NALF1: variants seen among roughly 807,000 people sequenced by gnomAD.
NALF1 encodes family with sequence similarity 155 member A.
Under a neutral mutation model 48.4 loss-of-function variants are expected in NALF1, and 3 were observed. The observed-to-expected ratio is 0.06, with a 90% confidence interval of 0.03 to 0.16. NALF1 has a LOEUF of 0.16. Among genes scored for constraint, NALF1 ranks in the 10% least tolerant of loss-of-function variants. The pLI, the probability that NALF1 is intolerant of heterozygous loss-of-function variation, is 1.00. For missense variants in NALF1, 526 were observed against 571.5 expected (o/e 0.92, Z 0.81); for synonymous variants, 262 against 245.7 (o/e 1.07, Z -0.62).
At chr13:107,709,528 T>G (rs796318662) in intron 1 of NALF1, among the ~76,000 whole-genome samples, 39 of 152,342 alleles carry the variant, frequency 2.6e-4, no homozygotes, top group African/African-American at 8.7e-4. Context: ...ACAAGGAAAC[T>G]AGTTCTGGAA....
intron 1 of NALF1, among the ~76,000 whole-genome samples, chr13:107,793,364 A>T (rs1878311721): frequency 6.6e-6 from 1 of 152,246 alleles, no homozygotes; most frequent in African/African-American, 2.4e-5. Context: ...AGAACTGGTT[A>T]TGATGCAAGA....
chr13:107,824,426 T>C (rs925054855), intron 1 of NALF1, among the ~76,000 whole-genome samples: 3 of 152,228 alleles, frequency 2.0e-5, no homozygotes, highest in South Asian at 2.1e-4. Context: ...CTAATTTTCT[T>C]AGCTACCTGC....
At chr13:107,384,037 T>C (rs185119939) in intron 1 of NALF1, among the ~76,000 whole-genome samples, 3 of 152,152 alleles carry the variant, frequency 2.0e-5, no homozygotes, top group Non-Finnish European at 4.4e-5. Flanking sequence ...TCACTTGAGC[T>C]CAGGAGTTCA....
At position 107,208,828 on chromosome 13, in the gene NALF1, T is replaced by C. The variant is rs556355695; in HGVS notation, c.1087+1756A>G. ...GTCTCAAACTCAAAGCAAGAAGATATTGATATCCTCCTTCCCTCCTTCCCT... is the reference window on the plus strand; with the variant it reads ...GTCTCAAACTCAAAGCAAGAAGATACTGATATCCTCCTTCCCTCCTTCCCT... On this transcript the variant is annotated intron_variant, in intron 2 of 2. Coordinates refer to ENST00000375915, the MANE Select transcript of NALF1 (RefSeq NM_001080396.3). Among the ~76,000 whole-genome samples, 58 of 152,226 alleles carry C rather than the reference T, an allele frequency of 3.8e-4. No individual in the cohort carries two copies. In the South Asian group the frequency reaches 0.012, roughly 31 times the overall value.
intron 1 of NALF1, among the ~76,000 whole-genome samples, chr13:107,509,867 G>A (rs1875824156): frequency 1.3e-5 from 2 of 152,170 alleles, no homozygotes; most frequent in South Asian, 2.1e-4. Flanking sequence ...GTGCAGTGGT[G>A]CAATCTCAGC....
chr13:107,378,365 T>G (rs1157706390), intron 1 of NALF1, among the ~76,000 whole-genome samples: 1 of 150,796 alleles, frequency 6.6e-6, no homozygotes, highest in Non-Finnish European at 1.5e-5. Flanking sequence ...ATGTAATTGA[T>G]TTTTAGTAGG....
At position 107,210,636 on chromosome 13, in the gene NALF1, C is replaced by T; in HGVS notation, c.1035G>A (p.Leu345=). 1 of 1,613,430 alleles carries T rather than the reference C, an allele frequency of 6.2e-7. No individual in the cohort carries two copies. The highest frequency in any genetic ancestry group is 1.1e-5 in the South Asian group (1 of 91,064). Reference sequence around the variant, plus strand: ...CGTAGATGACTTCATCATTGTCGGGCAATATAAATGGACACCTCGTCTGAA... The same window carrying T: ...CGTAGATGACTTCATCATTGTCGGGTAATATAAATGGACACCTCGTCTGAA... ...LEVQTRCPFI[L]PDNDEVIYGG... The change falls in exon 2 of 3, where the codon TTG becomes TTA. Residue 345 remains leucine, a synonymous_variant. Coordinates refer to ENST00000375915, the MANE Select transcript of NALF1 (RefSeq NM_001080396.3).
intron 1 of NALF1, among the ~76,000 whole-genome samples, chr13:107,393,786 G>A (rs1394660169): frequency 6.6e-6 from 1 of 152,170 alleles, no homozygotes; most frequent in Non-Finnish European, 1.5e-5. Flanking sequence ...CAGTCAAGGT[G>A]ACTTGAGAGG....
At chr13:107,320,840 T>C (rs1238362736) in intron 1 of NALF1, 1 of 152,184 alleles carries the variant, frequency 6.6e-6, no homozygotes, top group African/African-American at 2.4e-5. Flanking sequence ...TATTAATAAA[T>C]TGTCTCAACA....
chr13:107,294,336 T>G (rs1881685458), intron 1 of NALF1, among the ~76,000 whole-genome samples: 1 of 152,198 alleles, frequency 6.6e-6, no homozygotes, highest in Non-Finnish European at 1.5e-5. Context: ...CCCCATTCAT[T>G]ATAGCCAAAA....
At chr13:107,378,878 G>A (rs181937205) in intron 1 of NALF1, among the ~76,000 whole-genome samples, 50 of 152,174 alleles carry the variant, frequency 3.3e-4, no homozygotes, top group African/African-American at 1.1e-3. Context: ...TTTTAATGAG[G>A]TGTTATGGAC....
chr13:107,680,509 CGAGT>C (rs1225211123), intron 1 of NALF1, among the ~76,000 whole-genome samples: 2 of 151,364 alleles, frequency 1.3e-5, no homozygotes. Flanking sequence ...TGTGTATGCA[CGAGT>C]GAGGGTGTGT....
At chr13:107,282,470 C>A (rs1881407786) in intron 1 of NALF1, among the ~76,000 whole-genome samples, 1 of 152,152 alleles carries the variant, frequency 6.6e-6, no homozygotes, top group South Asian at 2.1e-4. Flanking sequence ...GGTAGCCAGC[C>A]CCCAAGGTGG....
chr13:107,866,212 G>A lies in NALF1; in HGVS notation c.385C>T (p.Pro129Ser), dbSNP rs1257324011. ...AHRLLSASSS[P>S]TLPPSPGDGG... Reference sequence around the variant, plus strand: ...TCTCCCGGGGAGGGGGGCAGGGTGGGGGACGAGGAGGCGGAGAGGAGTCTG... The same window carrying A: ...TCTCCCGGGGAGGGGGGCAGGGTGGAGGACGAGGAGGCGGAGAGGAGTCTG... Residue 129 changes from proline (P) to serine (S), a missense_variant, in exon 1 of 3, where the codon CCC (proline) becomes TCC (serine). By Grantham distance (74) the Pro-to-Ser change is moderately conservative (BLOSUM62 -1). Coordinates refer to ENST00000375915, the MANE Select transcript of NALF1 (RefSeq NM_001080396.3). The surrounding 1 kb of genome is among the most constrained non-coding windows in gnomAD (Gnocchi z 4.4). 2 of 1,597,970 alleles carry A rather than the reference G, an allele frequency of 1.3e-6. No individual in the cohort carries two copies. Among genetic ancestry groups the A allele is most frequent in the Non-Finnish European group, 1.7e-6 (2 of 1,172,922 alleles).
intron 1 of NALF1, among the ~76,000 whole-genome samples, chr13:107,818,689 G>A (rs1377085478): frequency 1.3e-5 from 2 of 150,514 alleles, no homozygotes; most frequent in South Asian, 2.2e-4. Flanking sequence ...TGGCTAACAC[G>A]GTGAAACCCC....
chr13:107,798,737 G>A (rs1878510292), intron 1 of NALF1, among the ~76,000 whole-genome samples: 1 of 152,148 alleles, frequency 6.6e-6, no homozygotes, highest in South Asian at 2.1e-4. Flanking sequence ...GCCACTATGA[G>A]ATAAGACAAT....
rs188808495 is a variant in NALF1, at chr13:107,371,059, A to T, written c.916-160304T>A. Among the ~76,000 whole-genome samples the T allele has an allele frequency of 6.6e-5, 10 of 152,360 alleles. 1 individual carries two copies. The highest frequency in any genetic ancestry group is 2.2e-4 in the African/African-American group (9 of 41,600). On this transcript the variant is annotated intron_variant, in intron 1 of 2. Coordinates refer to ENST00000375915, the MANE Select transcript of NALF1 (RefSeq NM_001080396.3). The stretch of plus-strand genomic sequence containing the variant: ...GTGGGGACACCGCCAAACCATATCA[A>T]TAGTAAACTTGGAATTCAGAGATAC...
At chr13:107,543,794 T>G (rs1877061522) in intron 1 of NALF1, among the ~76,000 whole-genome samples, 1 of 152,022 alleles carries the variant, frequency 6.6e-6, no homozygotes, top group African/African-American at 2.4e-5. Flanking sequence ...TGTGTATATA[T>G]ACACATATAT....
intron 1 of NALF1, among the ~76,000 whole-genome samples, chr13:107,653,311 G>T (rs1880493194): frequency 6.7e-6 from 1 of 149,700 alleles, no homozygotes; most frequent in Admixed American, 6.6e-5. Flanking sequence ...GAAGGAAATT[G>T]GGAGTTACCC....
Sources: gnomAD v4.1 joint callset for allele counts (sites outside exome capture counted in the v4.1 genomes callset) on GRCh38, gnomAD v4.1.1 for gene constraint, Gnocchi (gnomAD v3.1) non-coding constraint, MANE v1.5 for transcripts, NCBI Gene and HGNC (gene_info 2026-07-23, HGNC 2026-07-21) for gene names.